SLC44A5: variants seen among roughly 807,000 people sequenced by gnomAD.
SLC44A5 encodes solute carrier family 44 member 5.
SLC44A5 carries 57 observed loss-of-function variants against 101.8 expected under a neutral mutation model. That is an observed-to-expected ratio of 0.56 (90% CI 0.45 to 0.70). The LOEUF is 0.70. Among genes scored for constraint, SLC44A5 ranks in the 30% least tolerant of loss-of-function variants. SLC44A5 has a pLI of 0.00. For synonymous variants in SLC44A5, 281 were observed against 290.9 expected, an observed-to-expected ratio of 0.97 and a Z score of 0.35; for missense variants, 737 against 853.1, an observed-to-expected ratio of 0.86 and a Z score of 1.70.
the SLC44A5 span, among the ~76,000 whole-genome samples, chr1:75,668,315 CTTTTTTTTTTTTTT>C: frequency 7.7e-5 from 5 of 65,088 alleles, no homozygotes; most frequent in East Asian, 5.3e-4. Flanking sequence ...TCCTAGGAGC[CTTTTTTTTTTTTTT>C]TTTTTTTTTT....
the SLC44A5 span, among the ~76,000 whole-genome samples, chr1:75,700,361 A>C: frequency 6.6e-6 from 1 of 151,542 alleles, no homozygotes; most frequent in African/African-American, 2.4e-5. Context: ...CTCACTCAAA[A>C]CCGCTCAACT....
Position 75,407,088 on chromosome 1 carries a change from G to A in SLC44A5, c.14-10467C>T, listed in dbSNP as rs12130254. ...TAACAGACAAACAGAGAGCCCAATC[G>A]TGAGTGAACTCCAATTCACAATTGC... On this transcript the variant is annotated intron_variant, in intron 2 of 23. Coordinates refer to ENST00000370859, the MANE Select transcript of SLC44A5 (RefSeq NM_001130058.2). 3.7e-3 allele frequency among the ~76,000 whole-genome samples: 560 copies of A among 151,984 alleles called. 7 individuals carry two copies. Among genetic ancestry groups the A allele is most frequent in the Admixed American group, 3.1e-3 (48 of 15,246 alleles).
intron 18 of SLC44A5, among the ~76,000 whole-genome samples, chr1:75,216,826 T>C (rs1328135235): frequency 1.3e-5 from 2 of 152,058 alleles, no homozygotes; most frequent in African/African-American, 2.4e-5. Context: ...TGTTGAGTTG[T>C]AGAAGTTCTT....
chr1:75,448,270 T>C (rs953468212), intron 2 of SLC44A5, among the ~76,000 whole-genome samples: 8 of 152,204 alleles, frequency 5.3e-5, no homozygotes, highest in African/African-American at 1.2e-4. Flanking sequence ...CTTGTCCTAA[T>C]GTTCAAGTCT....
At chr1:75,590,806 T>C (rs449119) in intron 1 of SLC44A5, among the ~76,000 whole-genome samples, 119,100 of 151,964 alleles carry the variant, frequency 0.78, 47,081 homozygotes, top group East Asian at 0.94. Context: ...ATCAGATAGA[T>C]TCCTAAGGTT....
the SLC44A5 span, chr1:75,710,295 C>A: frequency 7.8e-3 from 1,191 of 152,184 alleles, 11 homozygotes; most frequent in Middle Eastern, 0.037. Flanking sequence ...GTAGCTCATG[C>A]CTGTAATCCC....
At chr1:75,255,617 G>A (rs1649952538) in intron 6 of SLC44A5, among the ~76,000 whole-genome samples, 1 of 152,016 alleles carries the variant, frequency 6.6e-6, no homozygotes, top group Non-Finnish European at 1.5e-5. Flanking sequence ...AAATCGCAAA[G>A]AAATAACAGA....
rs2101967579 is a variant in SLC44A5 at position 75,546,357 on chromosome 1, G to A, written c.-69-4841C>T. On this transcript the variant is annotated intron_variant, in intron 1 of 23. Transcript: ENST00000370859. ...CGAGTAGCTGGGACTACAGGCGCCC[G>A]CCACCGCGCCCGGCTAATTTTTTGT... Among the ~76,000 whole-genome samples, 6 of 12,144 alleles carry A rather than the reference G, an allele frequency of 4.9e-4. 3 individuals carry two copies. In the East Asian group the frequency reaches 0.018, roughly 37 times the overall value. The allele number at this position is 12,144 out of a possible 152,430, so 8.0% of individuals were successfully genotyped here.
chr1:75,460,024 C>T (rs930539359), intron 2 of SLC44A5, among the ~76,000 whole-genome samples: 4 of 152,096 alleles, frequency 2.6e-5, no homozygotes, highest in African/African-American at 9.7e-5. Flanking sequence ...CTGGATTGTT[C>T]AGGTAGCAGG....
chr1:75,472,994 A>G (rs1372495850), intron 2 of SLC44A5, among the ~76,000 whole-genome samples: 1 of 152,196 alleles, frequency 6.6e-6, no homozygotes, highest in Non-Finnish European at 1.5e-5. Context: ...ACTGGCTATA[A>G]AACTGTTTTA....
chr1:75,606,378 C>T (rs1675327007), intron 1 of SLC44A5, among the ~76,000 whole-genome samples: 1 of 151,928 alleles, frequency 6.6e-6, no homozygotes, highest in Admixed American at 6.6e-5. Flanking sequence ...TTCATCTTAC[C>T]TCCATAGGAA....
At chr1:75,496,257 C>T (rs1387696434) in intron 2 of SLC44A5, among the ~76,000 whole-genome samples, 1 of 152,054 alleles carries the variant, frequency 6.6e-6, no homozygotes, top group East Asian at 1.9e-4. Flanking sequence ...AAATCAGACA[C>T]ACAGACCAGT....
At chr1:75,289,467 A>G (rs1653353351) in intron 5 of SLC44A5, among the ~76,000 whole-genome samples, 1 of 152,216 alleles carries the variant, frequency 6.6e-6, no homozygotes. Context: ...TATTTGGTCC[A>G]TCAAGCCTAG....
At chr1:75,310,713 C>T (rs183205490) in intron 4 of SLC44A5, among the ~76,000 whole-genome samples, 24 of 152,102 alleles carry the variant, frequency 1.6e-4, no homozygotes, top group African/African-American at 5.8e-4. Flanking sequence ...GGGCTTTTTG[C>T]AACTATTATT....
intron 3 of SLC44A5, among the ~76,000 whole-genome samples, chr1:75,367,008 G>A (rs1569997659): frequency 1.3e-5 from 2 of 152,106 alleles, no homozygotes; most frequent in South Asian, 2.1e-4. Context: ...TGAATTCTTT[G>A]TCAGATAATT....
At chr1:75,250,162 C>T (rs1649440854) in intron 7 of SLC44A5, among the ~76,000 whole-genome samples, 1 of 152,076 alleles carries the variant, frequency 6.6e-6, no homozygotes, top group Non-Finnish European at 1.5e-5. Flanking sequence ...CACCCTTCAC[C>T]TTCTGATAGG....
chr1:75,505,884 G>A (rs752078030), intron 2 of SLC44A5, among the ~76,000 whole-genome samples: 46 of 151,930 alleles, frequency 3.0e-4, no homozygotes, highest in Admixed American at 6.6e-4. Flanking sequence ...TTGTTTTATT[G>A]AAATTACTTT....
the SLC44A5 span, among the ~76,000 whole-genome samples, chr1:75,632,950 G>A: frequency 8.5e-5 from 13 of 152,174 alleles, no homozygotes; most frequent in Admixed American, 7.9e-4. Flanking sequence ...ATTTGGTGGT[G>A]CTGGTAGTAG....
At chr1:75,316,824 A>G (rs1166140015) in intron 4 of SLC44A5, among the ~76,000 whole-genome samples, 1 of 152,172 alleles carries the variant, frequency 6.6e-6, no homozygotes, top group Non-Finnish European at 1.5e-5. Context: ...TATGGCTATG[A>G]AAGAAATGCT....
Sources: gnomAD v4.1 joint callset for allele counts (sites outside exome capture counted in the v4.1 genomes callset) on GRCh38, gnomAD v4.1.1 for gene constraint, MANE v1.5 for transcripts, NCBI Gene and HGNC (gene_info 2026-07-23, HGNC 2026-07-21) for gene names.